MAPK9: variants seen among roughly 807,000 people sequenced by gnomAD.
MAPK9 encodes mitogen-activated protein kinase 9.
A neutral mutation model predicts 57.1 loss-of-function variants in MAPK9; 30 were observed. The observed-to-expected ratio is 0.53, with a 90% CI of 0.39 to 0.71. MAPK9 has a LOEUF of 0.71. MAPK9 is among the 30% of genes least tolerant of loss of function. MAPK9 has a pLI of 0.00. For missense variants in MAPK9, 362 were observed against 521.0 expected (o/e 0.69, Z 2.97); for synonymous variants, 155 against 177.0 (o/e 0.88, Z 0.99).
At chr5:180,271,018 T>C (rs1761251092) in intron 2 of MAPK9, among the ~76,000 whole-genome samples, 1 of 152,142 alleles carries the variant, frequency 6.6e-6, no homozygotes, top group Non-Finnish European at 1.5e-5. Context: ...AACAATGTAT[T>C]GTATTCTTGA....
chr5:180,258,106 A>G (rs566887182), intron 5 of MAPK9: 1 of 152,398 alleles, frequency 6.6e-6, no homozygotes, highest in South Asian at 2.1e-4. Flanking sequence ...TTTACTTCAA[A>G]GACACAAAGT....
At chr5:180,290,771 C>T (rs1763159339) in intron 1 of MAPK9, among the ~76,000 whole-genome samples, 1 of 152,214 alleles carries the variant, frequency 6.6e-6, no homozygotes, top group African/African-American at 2.4e-5. Flanking sequence ...AACAGGCAGG[C>T]TGGGCCATTT....
chr5:180,278,940 C>G lies in MAPK9; in HGVS notation c.122+1500G>C, dbSNP rs188721386. 1.5e-3 allele frequency among the ~76,000 whole-genome samples: 226 copies of G among 151,896 alleles called. 2 individuals carry two copies. Among genetic ancestry groups the G allele is most frequent in the African/African-American group, 5.1e-3 (212 of 41,394 alleles). ...TCAAAGTTTCCTAATTTGAACCATC[C>G]TCCACTAACTTTAAAACTTTTTTTT... On this transcript the variant is annotated intron_variant, in intron 2 of 11. Transcript: ENST00000452135.
In MAPK9 at chr5:180,242,554, GA is replaced by G; in HGVS notation, c.871+18del. On this transcript the variant is annotated intron_variant, in intron 8 of 11. Transcript: ENST00000452135. ...CCTGAATTACAAAACACAAGTATAA[GA>G]AAAAAAGGATATCTTACTTTTTATT... is the stretch of plus-strand genomic sequence containing the variant. The G allele has an allele frequency of 1.3e-6, 2 of 1,592,544 alleles. No individual in the cohort carries two copies. The highest frequency in any genetic ancestry group is 2.2e-5 in the East Asian group (1 of 44,638).
chr5:180,255,533 T>C (rs570425294), intron 5 of MAPK9, among the ~76,000 whole-genome samples: 1 of 152,100 alleles, frequency 6.6e-6, no homozygotes, highest in South Asian at 2.1e-4. Context: ...AGGGTTGAAT[T>C]ACCACCAAGA....
chr5:180,251,452 C>T (rs1262771222), intron 5 of MAPK9, among the ~76,000 whole-genome samples: 3 of 152,166 alleles, frequency 2.0e-5, no homozygotes, highest in Admixed American at 2.0e-4. Flanking sequence ...TCATCACATA[C>T]TAATTTAACA....
chr5:180,286,205 GCA>G (rs1762745649), intron 1 of MAPK9, among the ~76,000 whole-genome samples: 1 of 138,852 alleles, frequency 7.2e-6, no homozygotes. Context: ...GAGTGCAGTG[GCA>G]TGATCTCGGC....
intron 1 of MAPK9, among the ~76,000 whole-genome samples, chr5:180,283,174 A>C (rs1762463490): frequency 6.6e-6 from 1 of 152,138 alleles, no homozygotes; most frequent in South Asian, 2.1e-4. Context: ...TGCTAGATAA[A>C]TGGCTGCCCA....
Position 180,286,366 on chromosome 5 carries a change from G to A in MAPK9, c.-48+5482C>T, listed in dbSNP as rs185169554. Among the ~76,000 whole-genome samples the A allele has an allele frequency of 4.1e-3, 614 of 150,778 alleles. 83 individuals carry two copies. The East Asian group carries it at 0.11, about 28-fold the overall frequency. On this transcript the variant is annotated intron_variant, in intron 1 of 11. Transcript: ENST00000452135. The stretch of plus-strand genomic sequence containing the variant: ...TCACTGTGTTAGCCAGGATGGTCTC[G>A]ATCTCCTGACCTTATGATCCGCCCG...
At chr5:180,254,319 G>A (rs924532923) in intron 5 of MAPK9, among the ~76,000 whole-genome samples, 1 of 152,156 alleles carries the variant, frequency 6.6e-6, no homozygotes, top group Non-Finnish European at 1.5e-5. Context: ...AAAGCCTTGC[G>A]TGTGACAGGG....
rs1757072820 is a variant in MAPK9, at chr5:180,234,872, T to A, written c.*1512A>T. On this transcript the variant is annotated 3_prime_UTR_variant, in exon 12 of 12. Coordinates refer to ENST00000452135, the MANE Select transcript of MAPK9 (RefSeq NM_002752.5). The stretch of plus-strand genomic sequence containing the variant: ...AGAGCCATATATTTTACATAATATT[T>A]ATAATAAACTTTCTTATCACAGTTC... 1 of 152,206 alleles carries A rather than the reference T, an allele frequency of 6.6e-6. No homozygotes were observed. The highest frequency in any genetic ancestry group is 1.5e-5 in the Non-Finnish European group (1 of 68,038). The allele number at this position is 152,206 out of a possible 1,614,324, so 9.4% of individuals were successfully genotyped here.
intron 1 of MAPK9, chr5:180,287,050 T>C (rs993206548): frequency 1.3e-5 from 2 of 152,148 alleles, no homozygotes; most frequent in Admixed American, 6.5e-5. Flanking sequence ...CCTGTATAAC[T>C]CCATGCATAT....
At chr5:180,290,042 G>C (rs1404846459) in intron 1 of MAPK9, among the ~76,000 whole-genome samples, 1 of 14,636 alleles carries the variant, frequency 6.8e-5, no homozygotes, top group Non-Finnish European at 1.2e-4. Flanking sequence ...ATTTTTTGTA[G>C]AGACAGATCT....
intron 4 of MAPK9, 106 bp from the exon 5 acceptor site, chr5:180,261,928 T>A: frequency 2.3e-6 from 2 of 875,514 alleles, no homozygotes; most frequent in Non-Finnish European, 3.3e-6. Flanking sequence ...CTGGCTAAAG[T>A]AAAAAGATAA....
At chr5:180,272,677 TA>T (rs1761446227) in intron 2 of MAPK9, among the ~76,000 whole-genome samples, 1 of 152,238 alleles carries the variant, frequency 6.6e-6, no homozygotes, top group African/African-American at 2.4e-5. Context: ...ATTGTTGCTG[TA>T]TGTAGCTATA....
At position 180,247,814 on chromosome 5, in the gene MAPK9, C is replaced by T. The variant is rs1561791800; in HGVS notation, c.617-304G>A. 1.2e-6 allele frequency: 2 copies of T among 1,601,304 alleles called. No homozygotes were observed. The highest frequency in any genetic ancestry group is 2.2e-5 in the East Asian group (1 of 44,812). On this transcript the variant is annotated intron_variant, in intron 6 of 11. Coordinates refer to ENST00000452135, the MANE Select transcript of MAPK9 (RefSeq NM_002752.5). The surrounding 1 kb of genome is among the most constrained non-coding windows in gnomAD (Gnocchi z 4.5). ...GCTTTTCAGGGCCACACGCCCACCC[C>T]AGCCTCCATGGCCAAGTACCGGGTC...
intron 9 of MAPK9, 65 bp downstream of exon 9, chr5:180,240,966 A>T: frequency 6.5e-7 from 1 of 1,532,078 alleles, no homozygotes; most frequent in Non-Finnish European, 8.8e-7. Flanking sequence ...CTGGACGGAC[A>T]GACAAGATCC....
intron 10 of MAPK9, among the ~76,000 whole-genome samples, chr5:180,238,608 CTTTTTTTTTT>C (rs746336177): frequency 9.4e-5 from 8 of 85,168 alleles, no homozygotes; most frequent in Admixed American, 4.6e-4. Context: ...TCTTCTTCTT[CTTTTTTTTTT>C]TTTTTTTTTT....
At chr5:180,267,907 G>A (rs1760811729) in intron 3 of MAPK9, among the ~76,000 whole-genome samples, 1 of 151,988 alleles carries the variant, frequency 6.6e-6, no homozygotes, top group Non-Finnish European at 1.5e-5. Context: ...CTGTCGCCCA[G>A]GCTGGAGTGC....
Sources: allele counts gnomAD v4.1 joint callset (sites outside exome capture counted in the v4.1 genomes callset), GRCh38; gene constraint gnomAD v4.1.1; non-coding constraint Gnocchi (gnomAD v3.1); transcripts MANE v1.5; gene names NCBI Gene and HGNC (gene_info 2026-07-23, HGNC 2026-07-21).